Variants in SLC8A1 observed in about 807,000 individuals in gnomAD.
SLC8A1 encodes the protein sodium/calcium exchanger 1.
A neutral mutation model predicts 68.3 loss-of-function variants in SLC8A1; 18 were observed. The observed-to-expected ratio is 0.26, with a 90% confidence interval of 0.18 to 0.39. The LOEUF is 0.39. SLC8A1 is among the 10% of genes least tolerant of loss of function. SLC8A1 has a pLI of 1.00. For synonymous variants in SLC8A1, 475 were observed against 415.5 expected, an observed-to-expected ratio of 1.14 and a Z score of -1.74; for missense variants, 985 against 1,156.7, an observed-to-expected ratio of 0.85 and a Z score of 2.15.
intron 1 of SLC8A1, among the ~76,000 whole-genome samples, 167 bp downstream of exon 1, chr2:40,451,737 T>TCACACA (rs756970142): frequency 0.072 from 9,667 of 133,586 alleles, 432 homozygotes; most frequent in Non-Finnish European, 0.084. Flanking sequence ...ACACACCACA[T>TCACACA]CACACACACA....
chr2:40,333,425 G>A lies in SLC8A1; in HGVS notation c.1808+95048C>T, dbSNP rs1170366363. On this transcript the variant is annotated intron_variant, in intron 2 of 7. Transcript: ENST00000406785. ...TGCACTCCAGCCTGGGCAAGAGAGC[G>A]AGACTCCGTCTCAAAAAAAAAAAAA... Among the ~76,000 whole-genome samples, 9 of 121,554 alleles carry A rather than the reference G, an allele frequency of 7.4e-5. No individual in the cohort carries two copies. In the East Asian group the frequency reaches 1.7e-3, roughly 22 times the overall value. 79.7% of individuals were successfully genotyped at this position (121,554 alleles called of 152,430 possible).
At chr2:40,180,873 C>T (rs1055178795) in intron 2 of SLC8A1, among the ~76,000 whole-genome samples, 2 of 60,152 alleles carry the variant, frequency 3.3e-5, no homozygotes, top group Non-Finnish European at 9.2e-5. Context: ...GCAACTTATT[C>T]ACAAATAAAT....
intron 1 of SLC8A1, among the ~76,000 whole-genome samples, chr2:40,474,100 T>C (rs1291292924): frequency 6.6e-6 from 1 of 152,186 alleles, no homozygotes; most frequent in African/African-American, 2.4e-5. Context: ...ACTGCCTCTC[T>C]CAATAGACTA....
intron 2 of SLC8A1, among the ~76,000 whole-genome samples, chr2:40,307,168 C>CACACACACACAG (rs1352357601): frequency 2.6e-5 from 4 of 151,190 alleles, no homozygotes; most frequent in Admixed American, 2.6e-4. Flanking sequence ...CACACACACA[C>CACACACACACAG]ACAAACACAT....
At chr2:40,263,584 C>T (rs1295307950) in intron 2 of SLC8A1, among the ~76,000 whole-genome samples, 2 of 151,964 alleles carry the variant, frequency 1.3e-5, no homozygotes, top group Non-Finnish European at 2.9e-5. Flanking sequence ...ACAAACCTGA[C>T]AAAAACAAGA....
intron 2 of SLC8A1, among the ~76,000 whole-genome samples, chr2:40,381,446 T>C (rs985944771): frequency 4.6e-5 from 7 of 152,100 alleles, no homozygotes; most frequent in African/African-American, 1.7e-4. Context: ...CATCTCTCCA[T>C]GAGTTTATGA....
chr2:40,212,702 G>A (rs1261589270), intron 2 of SLC8A1, among the ~76,000 whole-genome samples: 1 of 152,220 alleles, frequency 6.6e-6, no homozygotes, highest in East Asian at 1.9e-4. Flanking sequence ...ATTAACAAGT[G>A]AAGACTCTTC....
intron 3 of SLC8A1, among the ~76,000 whole-genome samples, chr2:40,177,311 G>A (rs562027124): frequency 4.6e-4 from 70 of 152,216 alleles, no homozygotes; most frequent in African/African-American, 1.6e-3. Flanking sequence ...GTTGCCATTA[G>A]GGTCATCTAC....
intron 1 of SLC8A1, among the ~76,000 whole-genome samples, chr2:40,432,766 A>G (rs999421306): frequency 2.0e-5 from 3 of 151,964 alleles, no homozygotes; most frequent in African/African-American, 4.8e-5. Flanking sequence ...AGAGGGTGAT[A>G]TGATCTGATT....
At chr2:40,222,902 C>G (rs574336643) in intron 2 of SLC8A1, among the ~76,000 whole-genome samples, 1 of 151,920 alleles carries the variant, frequency 6.6e-6, no homozygotes, top group African/African-American at 2.4e-5. Flanking sequence ...AAATAGGAAC[C>G]CTTTTACACT....
intron 2 of SLC8A1, among the ~76,000 whole-genome samples, chr2:40,399,906 G>T (rs1015896088): frequency 6.6e-6 from 1 of 152,078 alleles, no homozygotes. Flanking sequence ...CAAGCAGACC[G>T]CCCGGCGCCA....
In SLC8A1 at chr2:40,406,333, CAG is replaced by C. The variant is rs553183273; in HGVS notation, c.1808+22138_1808+22139del. 1.6e-4 allele frequency among the ~76,000 whole-genome samples: 24 copies of C among 152,170 alleles called. No individual in the cohort carries two copies. The East Asian group carries it at 3.3e-3, about 21-fold the overall frequency. On this transcript the variant is annotated intron_variant, in intron 2 of 7. Coordinates refer to ENST00000406785, the Ensembl canonical transcript of SLC8A1. ...TAGACTTTGTAATTCTTCATGAATG[CAG>C]AGTTATTTTTCCAAGATGCTAGAAG...
chr2:40,280,813 GC>G (rs1447813583), intron 2 of SLC8A1, among the ~76,000 whole-genome samples: 1 of 152,216 alleles, frequency 6.6e-6, no homozygotes, highest in Non-Finnish European at 1.5e-5. Context: ...TGTAACAATA[GC>G]CAGGCAAAGG....
At chr2:40,361,489 G>C (rs998339461) in intron 2 of SLC8A1, among the ~76,000 whole-genome samples, 1 of 150,278 alleles carries the variant, frequency 6.7e-6, no homozygotes, top group African/African-American at 2.4e-5. Context: ...TTTTGGAATA[G>C]TCTTAATATT....
intron 2 of SLC8A1, among the ~76,000 whole-genome samples, chr2:40,272,332 C>G (rs1326365653): frequency 2.6e-5 from 4 of 152,126 alleles, no homozygotes; most frequent in Non-Finnish European, 5.9e-5. Context: ...GGTTCTTTTC[C>G]TGATGGCCAT....
At chr2:40,402,108 G>C (rs918898437) in intron 2 of SLC8A1, among the ~76,000 whole-genome samples, 4 of 152,168 alleles carry the variant, frequency 2.6e-5, no homozygotes, top group Non-Finnish European at 5.9e-5. Flanking sequence ...AGGCCTTGCT[G>C]GTGAAAGGAT....
intron 2 of SLC8A1, among the ~76,000 whole-genome samples, chr2:40,239,258 A>T (rs1352289735): frequency 6.6e-6 from 1 of 152,188 alleles, no homozygotes; most frequent in Admixed American, 6.5e-5. Flanking sequence ...TCTATCTTTA[A>T]TATTGCCCAA....
intron 2 of SLC8A1, among the ~76,000 whole-genome samples, chr2:40,293,229 G>A (rs1478677154): frequency 6.6e-6 from 1 of 151,968 alleles, no homozygotes; most frequent in Non-Finnish European, 1.5e-5. Context: ...TTGTACTTTT[G>A]GTTCATCTAA....
At chr2:40,458,769 A>C (rs1703171350) in intron 1 of SLC8A1, among the ~76,000 whole-genome samples, 1 of 152,152 alleles carries the variant, frequency 6.6e-6, no homozygotes, top group African/African-American at 2.4e-5. Context: ...ATTTGGACCA[A>C]TTTGTGACTA....
Sources: gnomAD v4.1 joint callset for allele counts (sites outside exome capture counted in the v4.1 genomes callset) on GRCh38, gnomAD v4.1.1 for gene constraint, MANE v1.5 for transcripts, NCBI Gene and HGNC (gene_info 2026-07-23, HGNC 2026-07-21) for gene names.